BRD4: variants seen among roughly 807,000 people sequenced by gnomAD.
BRD4 encodes bromodomain-containing protein 4.
A neutral mutation model predicts 142.1 loss-of-function variants in BRD4; 16 were observed. The observed-to-expected ratio is 0.11, with a 90% CI of 0.08 to 0.17. BRD4 has a LOEUF of 0.17. BRD4 is among the 10% of genes least tolerant of loss of function. The pLI is 1.00. For missense variants in BRD4, 1,424 were observed against 1,810.9 expected (o/e 0.79, Z 3.88); for synonymous variants, 833 against 707.5 (o/e 1.18, Z -2.82).
At chr19:15,241,655 CCT>C (rs892678548) in intron 14 of BRD4, among the ~76,000 whole-genome samples, 56 of 152,284 alleles carry the variant, frequency 3.7e-4, no homozygotes, top group African/African-American at 1.1e-3. Flanking sequence ...CCTTGCATCC[CCT>C]GTCTATCACC....
At chr19:15,295,589 T>TAC (rs2047816287) in intron 1 of BRD4, among the ~76,000 whole-genome samples, 2 of 152,338 alleles carry the variant, frequency 1.3e-5, no homozygotes, top group Non-Finnish European at 1.5e-5. Context: ...TTACTACTCT[T>TAC]TTTCAATCAT....
chr19:15,254,147 C>G lies in BRD4; in HGVS notation c.2158+5G>C, dbSNP rs2047380409. ...GTAAGACACGTAGAACACAAGTCAC[C>G]TAACCTGTTTCGGAGTCTTCGCTGT... is the stretch of plus-strand genomic sequence containing the variant. On this transcript the variant is annotated splice_donor_5th_base_variant and intron_variant, in intron 11 of 19. Transcript: ENST00000679869. 2.5e-6 allele frequency: 4 copies of G among 1,612,760 alleles called. No homozygotes were observed. The highest frequency in any genetic ancestry group is 3.4e-6 in the Non-Finnish European group (4 of 1,178,742).
At chr19:15,316,433 T>C (rs1256289112) in intron 1 of BRD4, among the ~76,000 whole-genome samples, 1 of 151,384 alleles carries the variant, frequency 6.6e-6, no homozygotes, top group Non-Finnish European at 1.5e-5. Context: ...CTAATAAAAA[T>C]ACAAAAAAAC....
At chr19:15,267,716 G>C (rs1413513606) in intron 3 of BRD4, among the ~76,000 whole-genome samples, 165 bp from the exon 4 acceptor site, 1 of 152,024 alleles carries the variant, frequency 6.6e-6, no homozygotes. Context: ...ACACTACCAG[G>C]TATCACAGAG....
intron 1 of BRD4, among the ~76,000 whole-genome samples, chr19:15,330,162 G>A (rs1168508329): frequency 6.6e-6 from 1 of 152,178 alleles, no homozygotes; most frequent in Non-Finnish European, 1.5e-5. Flanking sequence ...GATACTCGGA[G>A]GTGGACTCGA....
chr19:15,284,232 A>C (rs2145653512), intron 1 of BRD4, among the ~76,000 whole-genome samples: 1 of 152,314 alleles, frequency 6.6e-6, no homozygotes, highest in South Asian at 2.1e-4. Flanking sequence ...TCTTGCCCTC[A>C]CCACTCATTA....
chr19:15,253,080 A>G (rs2047364872), intron 11 of BRD4: 1 of 250,706 alleles, frequency 4.0e-6, no homozygotes, highest in Non-Finnish European at 7.7e-6. Flanking sequence ...TCTACTGCCA[A>G]AACACAGGTT....
intron 1 of BRD4, among the ~76,000 whole-genome samples, chr19:15,274,010 T>C (rs147426767): frequency 4.6e-5 from 7 of 152,334 alleles, no homozygotes; most frequent in African/African-American, 1.4e-4. Flanking sequence ...AATGCAGTTC[T>C]GGCAAATAAT....
chr19:15,303,234 A>G (rs938826550), intron 1 of BRD4, among the ~76,000 whole-genome samples: 2 of 152,192 alleles, frequency 1.3e-5, no homozygotes, highest in Admixed American at 1.3e-4. Flanking sequence ...ATAGCTATTC[A>G]AGAGTGTTTA....
At chr19:15,297,377 C>T (rs2047831947) in intron 1 of BRD4, among the ~76,000 whole-genome samples, 1 of 152,206 alleles carries the variant, frequency 6.6e-6, no homozygotes. Context: ...GACTATACTG[C>T]TGCTCCCTAC....
At chr19:15,276,869 G>C (rs530172358) in intron 1 of BRD4, among the ~76,000 whole-genome samples, 6 of 152,262 alleles carry the variant, frequency 3.9e-5, no homozygotes, top group Admixed American at 3.9e-4. Context: ...GGAGGAGAAG[G>C]GCAGGGCTGC....
intron 1 of BRD4, among the ~76,000 whole-genome samples, chr19:15,299,248 C>G (rs974948551): frequency 6.6e-6 from 1 of 152,136 alleles, no homozygotes; most frequent in African/African-American, 2.4e-5. Context: ...AGAGAATGAA[C>G]AGAATGACCC....
intron 1 of BRD4, among the ~76,000 whole-genome samples, chr19:15,284,323 C>T (rs73508426): frequency 0.036 from 5,554 of 152,184 alleles, 280 homozygotes; most frequent in African/African-American, 0.11. Flanking sequence ...GAATGTGACA[C>T]TAAATTAACG....
intron 11 of BRD4, among the ~76,000 whole-genome samples, chr19:15,245,730 G>T (rs2047280108): frequency 6.6e-6 from 1 of 152,218 alleles, no homozygotes; most frequent in Non-Finnish European, 1.5e-5. Context: ...TGGGCTGGCA[G>T]GTCACAGTCG....
At chr19:15,308,742 G>A (rs771940965) in intron 1 of BRD4, among the ~76,000 whole-genome samples, 11 of 152,064 alleles carry the variant, frequency 7.2e-5, no homozygotes, top group Non-Finnish European at 8.8e-5. Flanking sequence ...TGGGCTGGGC[G>A]CGGTGGCTCA....
chr19:15,267,046 A>G (rs764843154), intron 4 of BRD4, among the ~76,000 whole-genome samples: 38 of 152,236 alleles, frequency 2.5e-4, no homozygotes, highest in Non-Finnish European at 4.6e-4. Flanking sequence ...CTGAGATGTT[A>G]GTTAAAATGA....
chr19:15,258,732 C>G lies in BRD4; in HGVS notation c.1342-1559G>C, dbSNP rs1472582747. ...TCAAGAGATCCTCCTGCCTCAGCCT[C>G]CTTGAGAACTGAGACCACCATGCCC... On this transcript the variant is annotated intron_variant, in intron 7 of 19. Coordinates refer to ENST00000679869, the MANE Select transcript of BRD4 (RefSeq NM_001379291.1). 2.0e-5 allele frequency among the ~76,000 whole-genome samples: 3 copies of G among 151,902 alleles called. No individual in the cohort carries two copies. The South Asian group carries it at 6.2e-4, about 32-fold the overall frequency.
chr19:15,314,649 G>A (rs930960602), intron 1 of BRD4, among the ~76,000 whole-genome samples: 3 of 152,118 alleles, frequency 2.0e-5, no homozygotes, highest in Non-Finnish European at 4.4e-5. Flanking sequence ...AGCTCCACAT[G>A]GTCAAGGAAC....
rs2047398122 is a variant in BRD4 at position 15,255,498 on chromosome 19, G to A, written c.1846C>T (p.Arg616Trp). The A allele has an allele frequency of 6.2e-7, 1 of 1,614,040 alleles. No homozygotes were observed. ...TTGTTGATGTCCAAGCTGAGCTGCC[G>A]CTTCTCCTCATAGGACATAGGCTTG... ...KCKPMSYEEK[R>W]QLSLDINKLP... The change falls in exon 10 of 20, where the codon CGG becomes TGG. Residue 616 changes from arginine to tryptophan, a missense_variant. By Grantham distance (101) the Arg-to-Trp change is moderately radical (BLOSUM62 -3). Transcript: ENST00000679869.
Sources: allele counts gnomAD v4.1 joint callset (sites outside exome capture counted in the v4.1 genomes callset), GRCh38; gene constraint gnomAD v4.1.1; transcripts MANE v1.5; gene names NCBI Gene and HGNC (gene_info 2026-07-23, HGNC 2026-07-21).